The following TOGARAM1 variants were observed in gnomAD, a reference collection of about 807,000 sequenced individuals.
TOGARAM1 encodes the protein TOG array regulator of axonemal microtubules 1.
TOGARAM1 carries 100 observed loss-of-function variants against 166.6 expected under a neutral mutation model. The observed-to-expected ratio is 0.60, with a 90% CI of 0.51 to 0.71. TOGARAM1 has a LOEUF of 0.71. Ranked by LOEUF, TOGARAM1 falls within the 30% of genes least tolerant of loss-of-function variation. TOGARAM1 has a pLI of 0.00. For missense variants in TOGARAM1, 2,029 were observed against 2,102.7 expected (o/e 0.96, Z 0.69); for synonymous variants, 758 against 763.8 (o/e 0.99, Z 0.13).
rs761877774 is a variant in TOGARAM1 at position 44,963,274 on chromosome 14, G to A, written c.853G>A (p.Glu285Lys). 1 of 1,614,174 alleles carries A rather than the reference G, an allele frequency of 6.2e-7. No homozygotes were observed. ...TTTCTCCGCACTTCAACAAATTGGG[G>A]AGCGACTTGGCCAAGACAGGTTTCA... ...TAFSALQQIG[E>K]RLGQDRFQSY... Residue 285 changes from glutamate to lysine, a missense_variant, in exon 1 of 20, where the codon GAG (glutamate) becomes AAG (lysine). Physicochemically the swap from Glu to Lys is moderately conservative, Grantham distance 56. Transcript: ENST00000361462.
chr14:45,052,539 T>C lies in TOGARAM1; in HGVS notation c.4417T>C (p.Ser1473Pro). ...PSKDLPYIKD[S>P]VRNLQQKGLG... ...TAAAGATTTGCCATATATTAAGGAC[T>C]CTGTTAGAAACTTACAGCAAAAGGT... The change falls in exon 15 of 20, where the codon TCT (serine) becomes CCT (proline). Residue 1473 changes from serine to proline, a missense_variant. Coordinates refer to ENST00000361462, the MANE Select transcript of TOGARAM1 (RefSeq NM_001308120.2). 6.2e-7 allele frequency: 1 copy of C among 1,606,244 alleles called. No homozygotes were observed. Among genetic ancestry groups the C allele is most frequent in the Non-Finnish European group, 8.5e-7 (1 of 1,175,708 alleles).
chr14:44,981,450 G>A (rs564137196), intron 1 of TOGARAM1, among the ~76,000 whole-genome samples: 1 of 152,272 alleles, frequency 6.6e-6, no homozygotes, highest in African/African-American at 2.4e-5. Flanking sequence ...GAATCAAAGT[G>A]GTGAGGGAGT....
intron 1 of TOGARAM1, among the ~76,000 whole-genome samples, chr14:44,965,562 A>G (rs550056034): frequency 6.1e-4 from 93 of 152,328 alleles, no homozygotes; most frequent in African/African-American, 1.8e-3. Context: ...AAAATATTAC[A>G]TAGGAGATAC....
At chr14:44,978,236 C>T (rs923761127) in intron 1 of TOGARAM1, 7 of 152,092 alleles carry the variant, frequency 4.6e-5, no homozygotes, top group African/African-American at 1.7e-4. Flanking sequence ...TAGTTTTCTC[C>T]TCTCCTCCCA....
chr14:45,046,809 G>T (rs1032275260), intron 14 of TOGARAM1, 106 bp downstream of exon 14: 6 of 958,254 alleles, frequency 6.3e-6, no homozygotes, highest in Admixed American at 8.5e-5. Context: ...TGGAGAAGTG[G>T]GGTCCCAGGG....
intron 7 of TOGARAM1, among the ~76,000 whole-genome samples, chr14:45,015,049 A>G (rs972371677): frequency 6.6e-6 from 1 of 152,044 alleles, no homozygotes; most frequent in Non-Finnish European, 1.5e-5. Flanking sequence ...CACACCTCTA[A>G]TCCCAGCACT....
At chr14:45,017,342 T>G (rs1398670424) in intron 7 of TOGARAM1, among the ~76,000 whole-genome samples, 2 of 151,718 alleles carry the variant, frequency 1.3e-5, no homozygotes, top group African/African-American at 2.4e-5. Context: ...GCTCATGAGG[T>G]TAAACACTAG....
At chr14:44,966,072 ACCATGTTGGCCAGG>A (rs1885519183) in intron 1 of TOGARAM1, among the ~76,000 whole-genome samples, 1 of 150,338 alleles carries the variant, frequency 6.7e-6, no homozygotes, top group Non-Finnish European at 1.5e-5. Context: ...ACAGGGTTTC[ACCATGTTGGCCAGG>A]CCTGTCTCAA....
intron 1 of TOGARAM1, among the ~76,000 whole-genome samples, chr14:44,970,208 A>G (rs1423387968): frequency 3.3e-5 from 5 of 152,176 alleles, no homozygotes; most frequent in Admixed American, 3.3e-4. Context: ...CTCTTCTTTG[A>G]TATCTTGCAT....
chr14:45,002,494 CAATT>C (rs1371444638), intron 3 of TOGARAM1, among the ~76,000 whole-genome samples: 1 of 152,144 alleles, frequency 6.6e-6, no homozygotes, highest in Non-Finnish European at 1.5e-5. Context: ...ACTACCATCT[CAATT>C]AATATTCCCC....
chr14:44,990,083 G>T (rs1414866731), intron 1 of TOGARAM1, among the ~76,000 whole-genome samples: 2 of 152,150 alleles, frequency 1.3e-5, no homozygotes, highest in Non-Finnish European at 2.9e-5. Flanking sequence ...TTGATATGTG[G>T]GGATTATGAG....
chr14:44,964,571 T>C (rs1024400364), intron 1 of TOGARAM1, 104 bp downstream of exon 1: 1 of 1,298,956 alleles, frequency 7.7e-7, no homozygotes, highest in Admixed American at 2.5e-5. Flanking sequence ...CATGTTATGC[T>C]TTGTTTTAAA....
chr14:45,036,133 A>ACT (rs1881425014), intron 11 of TOGARAM1, among the ~76,000 whole-genome samples: 4 of 131,754 alleles, frequency 3.0e-5, no homozygotes, highest in African/African-American at 1.5e-4. Context: ...TTGTCTCTAA[A>ACT]AAAAAAAAAA....
At chr14:44,969,694 G>A (rs1020976026) in intron 1 of TOGARAM1, among the ~76,000 whole-genome samples, 3 of 152,112 alleles carry the variant, frequency 2.0e-5, no homozygotes, top group Non-Finnish European at 2.9e-5. Context: ...TTACATTTAA[G>A]TCTATGATCC....
intron 1 of TOGARAM1, 123 bp downstream of exon 1, chr14:44,964,590 A>G: frequency 8.7e-7 from 1 of 1,150,216 alleles, no homozygotes; most frequent in Non-Finnish European, 1.2e-6. Flanking sequence ...AATTGATTTT[A>G]AATCCATCTG....
chr14:44,969,899 T>C (rs1380581703), intron 1 of TOGARAM1, among the ~76,000 whole-genome samples: 1 of 152,234 alleles, frequency 6.6e-6, no homozygotes, highest in Non-Finnish European at 1.5e-5. Flanking sequence ...GCTCCATTAG[T>C]GTGCCTATTT....
Position 45,032,209 on chromosome 14 carries a change from G to A in TOGARAM1, c.3659-14G>A, listed in dbSNP as rs1314270496. On this transcript the variant is annotated splice_polypyrimidine_tract_variant and intron_variant, in intron 10 of 19. Coordinates refer to ENST00000361462, the MANE Select transcript of TOGARAM1 (RefSeq NM_001308120.2). ...AAGGTTCTCTCATAGTTTATTTAATGTATTTTGTTTTAGGTGAAACACCTA... is the reference window on the plus strand; with the variant it reads ...AAGGTTCTCTCATAGTTTATTTAATATATTTTGTTTTAGGTGAAACACCTA... 3 of 1,589,108 alleles carry A rather than the reference G, an allele frequency of 1.9e-6. No individual in the cohort carries two copies. The highest frequency in any genetic ancestry group is 2.6e-6 in the Non-Finnish European group (3 of 1,173,432).
chr14:44,968,298 C>T (rs539372878), intron 1 of TOGARAM1, among the ~76,000 whole-genome samples: 206 of 152,254 alleles, frequency 1.4e-3, no homozygotes, highest in Non-Finnish European at 2.3e-3. Context: ...TTCACTCTGT[C>T]GCCCAGGCTG....
chr14:45,057,714 G>A (rs539907612), intron 16 of TOGARAM1, among the ~76,000 whole-genome samples: 156 of 152,178 alleles, frequency 1.0e-3, no homozygotes, highest in Non-Finnish European at 1.7e-3. Context: ...TCGTTCAGGA[G>A]TATGTTGTTT....
Sources: gnomAD v4.1 joint callset for allele counts (sites outside exome capture counted in the v4.1 genomes callset) on GRCh38, gnomAD v4.1.1 for gene constraint, MANE v1.5 for transcripts, NCBI Gene and HGNC (gene_info 2026-07-23, HGNC 2026-07-21) for gene names.